MARCHF5: variants seen among roughly 807,000 people sequenced by gnomAD.
The protein encoded by MARCHF5 is membrane associated ring-CH-type finger 5, also known as E3 ubiquitin-protein ligase MARCHF5.
MARCHF5 carries 5 observed loss-of-function variants against 36.5 expected under a neutral mutation model. The ratio of observed to expected loss-of-function variants is 0.14; its 90% CI spans 0.07 to 0.29. The LOEUF (loss-of-function observed/expected upper bound fraction) is 0.29. Ranked by LOEUF, MARCHF5 falls within the 10% of genes least tolerant of loss-of-function variation. The pLI, the probability that MARCHF5 is intolerant of heterozygous loss-of-function variation, is 1.00. For synonymous variants in MARCHF5, 103 were observed against 109.9 expected (o/e 0.94, Z 0.39); for missense variants, 179 against 336.3 (o/e 0.53, Z 3.66).
intron 1 of MARCHF5, among the ~76,000 whole-genome samples, chr10:92,310,503 A>G (rs900290696): frequency 1.3e-5 from 2 of 152,150 alleles, no homozygotes; most frequent in Non-Finnish European, 2.9e-5. Flanking sequence ...TGATACTTCT[A>G]GATTTCAGAT....
At chr10:92,339,505 A>C (rs1843549416) in intron 2 of MARCHF5, among the ~76,000 whole-genome samples, 1 of 152,126 alleles carries the variant, frequency 6.6e-6, no homozygotes, top group African/African-American at 2.4e-5. Context: ...CCCCGTCTCT[A>C]CTAAAAATAC....
At chr10:92,312,814 G>A (rs553838297) in intron 2 of MARCHF5, among the ~76,000 whole-genome samples, 2 of 152,198 alleles carry the variant, frequency 1.3e-5, no homozygotes, top group African/African-American at 2.4e-5. Flanking sequence ...AAGCAAAGTT[G>A]AGTATTTTAA....
chr10:92,301,229 A>G (rs1163545673), intron 1 of MARCHF5, among the ~76,000 whole-genome samples: 1 of 152,114 alleles, frequency 6.6e-6, no homozygotes, highest in African/African-American at 2.4e-5. Context: ...ATAGATGACA[A>G]TATTTATATG....
intron 1 of MARCHF5, among the ~76,000 whole-genome samples, chr10:92,297,144 A>G (rs1036255871): frequency 1.3e-4 from 20 of 151,876 alleles, no homozygotes; most frequent in African/African-American, 4.8e-4. Context: ...GCTTTTATAT[A>G]GAAAAGTATA....
At chr10:92,301,603 C>T (rs1295906696) in intron 1 of MARCHF5, among the ~76,000 whole-genome samples, 4 of 152,214 alleles carry the variant, frequency 2.6e-5, no homozygotes, top group Non-Finnish European at 4.4e-5. Flanking sequence ...ATACTATACT[C>T]AATAAATGAT....
At chr10:92,310,409 A>G (rs1782148782) in intron 1 of MARCHF5, among the ~76,000 whole-genome samples, 1 of 152,184 alleles carries the variant, frequency 6.6e-6, no homozygotes, top group Non-Finnish European at 1.5e-5. Context: ...TTCATGAAGT[A>G]CCCTTAAAAG....
At chr10:92,329,035 C>G (rs944511432) in intron 2 of MARCHF5, among the ~76,000 whole-genome samples, 1 of 151,934 alleles carries the variant, frequency 6.6e-6, no homozygotes, top group Non-Finnish European at 1.5e-5. Flanking sequence ...CCTCTAGGTC[C>G]ATTGTTTCAT....
chr10:92,340,870 A>G, intron 3 of MARCHF5, 67 bp downstream of exon 3: 1 of 1,304,738 alleles, frequency 7.7e-7, no homozygotes, highest in Non-Finnish European at 1.0e-6. Context: ...TTTTTGTTAG[A>G]CATTTAAAAG....
chr10:92,291,627 C>G, intron 1 of MARCHF5, 98 bp downstream of exon 1: 1 of 1,421,832 alleles, frequency 7.0e-7, no homozygotes, highest in Admixed American at 2.9e-5. Flanking sequence ...ACCCGGCGTG[C>G]CGGGAGGAGT....
In MARCHF5 at chr10:92,320,549, T is replaced by C. The variant is rs182732116; in HGVS notation, c.238+9212T>C. ...TAGAGATGGAAGACAATGATATTAA[T>C]TGATGATCCTGACCCTGTGTAGGCC... On this transcript the variant is annotated intron_variant, in intron 2 of 5. Transcript: ENST00000358935. 2.9e-3 allele frequency among the ~76,000 whole-genome samples: 443 copies of C among 152,210 alleles called. 3 individuals are homozygous for C. Among genetic ancestry groups the C allele is most frequent in the Non-Finnish European group, 4.7e-3 (320 of 68,034 alleles).
rs576421017 is a variant in MARCHF5, at chr10:92,322,405, G to C, written c.238+11068G>C. Among the ~76,000 whole-genome samples the C allele has an allele frequency of 3.4e-5, 5 of 146,296 alleles. No homozygotes were observed. In the East Asian group the frequency reaches 1.0e-3, roughly 29 times the overall value. ...TTTCTCCTTTTAGTTTCTTAAGGTA[G>C]AAGATTAGTTGACTTGGGATCTTTC... On this transcript the variant is annotated intron_variant, in intron 2 of 5. Coordinates refer to ENST00000358935, the MANE Select transcript of MARCHF5 (RefSeq NM_017824.5).
chr10:92,340,913 T>G, intron 3 of MARCHF5, 110 bp downstream of exon 3: 1 of 1,000,148 alleles, frequency 1.0e-6, no homozygotes, highest in Non-Finnish European at 1.4e-6. Context: ...AACATTCTCA[T>G]GTTCTTTCTA....
At chr10:92,298,686 C>G (rs1022010410) in intron 1 of MARCHF5, among the ~76,000 whole-genome samples, 3 of 152,126 alleles carry the variant, frequency 2.0e-5, no homozygotes, top group Non-Finnish European at 4.4e-5. Flanking sequence ...AAAATATCCT[C>G]CCACCTCACC....
chr10:92,298,965 A>G (rs1360065415), intron 1 of MARCHF5, among the ~76,000 whole-genome samples: 1 of 151,622 alleles, frequency 6.6e-6, no homozygotes, highest in African/African-American at 2.4e-5. Context: ...CAGCATGCCC[A>G]GCTAATTTTT....
chr10:92,322,179 G>T (rs2135196732), intron 2 of MARCHF5, among the ~76,000 whole-genome samples: 1 of 130,168 alleles, frequency 7.7e-6, no homozygotes, highest in East Asian at 2.5e-4. Flanking sequence ...AGGAGGCGAA[G>T]GTTTCAGTGA....
intron 1 of MARCHF5, among the ~76,000 whole-genome samples, chr10:92,300,017 C>G (rs1175194392): frequency 6.6e-6 from 1 of 151,762 alleles, no homozygotes; most frequent in African/African-American, 2.4e-5. Context: ...AAAAAAGTAA[C>G]CAGTGTAGTG....
In MARCHF5 at chr10:92,337,229, T is replaced by G. The variant is rs1005996864; in HGVS notation, c.239-3444T>G. Among the ~76,000 whole-genome samples, 5 of 151,504 alleles carry G rather than the reference T, an allele frequency of 3.3e-5. 1 individual carries two copies. Among genetic ancestry groups the G allele is most frequent in the Non-Finnish European group, 5.9e-5 (4 of 67,830 alleles). On this transcript the variant is annotated intron_variant, in intron 2 of 5. Transcript: ENST00000358935. ...GTGGGTTCAAAACTAAGGAGAGAGA[T>G]AGAGGGCCGGGCGCAGTGGCTCACA... is the stretch of plus-strand genomic sequence containing the variant.
In MARCHF5 at chr10:92,291,548, G is replaced by T; in HGVS notation, c.35+19G>T. On this transcript the variant is annotated intron_variant, in intron 1 of 5. Coordinates refer to ENST00000358935, the MANE Select transcript of MARCHF5 (RefSeq NM_017824.5). ...TGGACAGGTACGGGCAGCTGTGGGGGGGACCGGGAGCCGCCGACCCTCGCT... is the reference window on the plus strand; with the variant it reads ...TGGACAGGTACGGGCAGCTGTGGGGTGGACCGGGAGCCGCCGACCCTCGCT... The T allele has an allele frequency of 6.5e-7, 1 of 1,531,596 alleles. No homozygotes were observed. Among genetic ancestry groups the T allele is most frequent in the East Asian group, 2.5e-5 (1 of 39,434 alleles). The allele number at this position is 1,531,596 out of a possible 1,614,324, so 94.9% of individuals were successfully genotyped here.
At chr10:92,345,989 C>A (rs1843639454) in intron 3 of MARCHF5, among the ~76,000 whole-genome samples, 1 of 152,150 alleles carries the variant, frequency 6.6e-6, no homozygotes, top group African/African-American at 2.4e-5. Context: ...TGTGCCCAGC[C>A]AGGCCTTTAT....
Sources: allele counts gnomAD v4.1 joint callset (sites outside exome capture counted in the v4.1 genomes callset), GRCh38; gene constraint gnomAD v4.1.1; transcripts MANE v1.5; gene names NCBI Gene and HGNC (gene_info 2026-07-23, HGNC 2026-07-21).